CFAP47: variants seen among roughly 807,000 people sequenced by gnomAD.
The protein encoded by CFAP47 is cilia and flagella associated protein 47, also known as cilia- and flagella-associated protein 47.
A neutral mutation model predicts 148.1 loss-of-function variants in CFAP47; 29 were observed. The observed-to-expected ratio is 0.20, with a 90% CI of 0.15 to 0.27. The LOEUF (loss-of-function observed/expected upper bound fraction) is 0.27. Among genes scored for constraint, CFAP47 ranks in the 10% least tolerant of loss-of-function variants. The pLI is 1.00. For missense variants in CFAP47, 1,872 were observed against 1,697.5 expected, an observed-to-expected ratio of 1.10 and a Z score of -1.81; for synonymous variants, 664 against 577.3, an observed-to-expected ratio of 1.15 and a Z score of -2.15.
At chrX:35,952,066 A>G in intron 6 of CFAP47, 103 bp downstream of exon 6, 2 of 840,976 alleles carry the variant, frequency 2.4e-6, no homozygotes, top group Non-Finnish European at 3.2e-6. Flanking sequence ...AAAACTTGCC[A>G]GAAGGCACAA....
At chrX:36,002,776 C>T (rs1346614133) in intron 21 of CFAP47, among the ~76,000 whole-genome samples, 3 of 111,082 alleles carry the variant, frequency 2.7e-5, no homozygotes, top group Non-Finnish European at 5.7e-5. Flanking sequence ...ATAACTAATA[C>T]ACAATAAAAT....
intron 57 of CFAP47, among the ~76,000 whole-genome samples, chrX:36,334,408 A>G (rs1221186410): frequency 9.0e-6 from 1 of 111,455 alleles, no homozygotes; most frequent in Admixed American, 9.6e-5. Flanking sequence ...CTTTTTTATC[A>G]GTAGCTTCAT....
chrX:36,154,887 G>T (rs1663224805), intron 37 of CFAP47, among the ~76,000 whole-genome samples: 1 of 105,961 alleles, frequency 9.4e-6, no homozygotes, highest in African/African-American at 3.5e-5. Context: ...TTAGGTATTT[G>T]TTACAGCAGC....
intron 22 of CFAP47, among the ~76,000 whole-genome samples, chrX:36,016,268 C>T (rs1040325914): frequency 9.1e-6 from 1 of 110,117 alleles, no homozygotes; most frequent in African/African-American, 3.3e-5. Context: ...TGCTTTTGTA[C>T]CCATATACCA....
At chrX:36,144,863 G>C in intron 35 of CFAP47, 1 of 992,788 alleles carries the variant, frequency 1.0e-6, no homozygotes, top group Non-Finnish European at 1.3e-6. Context: ...GCCTCCTTTG[G>C]GCTTTCAGCC....
At chrX:36,374,834 G>A (rs1205230704) in intron 62 of CFAP47, 74 of 1,103,234 alleles carry the variant, frequency 6.7e-5, no homozygotes, top group East Asian at 1.2e-4. Flanking sequence ...GTGTGTTTTC[G>A]TCTTGCTTCT....
At chrX:36,049,486 T>TCA (rs1335410550) in intron 26 of CFAP47, among the ~76,000 whole-genome samples, 1,947 of 64,463 alleles carry the variant, frequency 0.03, 53 homozygotes, top group Admixed American at 0.13. Context: ...TATTTCTCTC[T>TCA]CTCACACACA....
chrX:36,175,985 C>T (rs948761532), intron 39 of CFAP47, among the ~76,000 whole-genome samples: 6 of 111,894 alleles, frequency 5.4e-5, no homozygotes, highest in South Asian at 3.7e-4. Flanking sequence ...GAGCCAGGTG[C>T]GGGATATAAT....
chrX:36,002,469 C>T lies in CFAP47; in HGVS notation c.3417+762C>T, dbSNP rs751582130. On this transcript the variant is annotated intron_variant, in intron 21 of 63. Transcript: ENST00000378653. ...TGGTGGCAGGCGCCTGTAATCCCAG[C>T]TACTCAGGAGGCTGAGGCAGGAGAG... Among the ~76,000 whole-genome samples the T allele has an allele frequency of 2.7e-5, 3 of 111,139 alleles. No individual in the cohort carries two copies. In the South Asian group the frequency reaches 1.2e-3, roughly 43 times the overall value.
At chrX:35,974,473 C>T (rs1936539279) in intron 13 of CFAP47, among the ~76,000 whole-genome samples, 1 of 110,967 alleles carries the variant, frequency 9.0e-6, no homozygotes, top group African/African-American at 3.3e-5. Context: ...GGCTGATTCT[C>T]TCTCTAGGGG....
intron 40 of CFAP47, among the ~76,000 whole-genome samples, chrX:36,188,284 C>G (rs782662438): frequency 1.8e-5 from 2 of 111,440 alleles, no homozygotes; most frequent in Non-Finnish European, 3.8e-5. Context: ...TTGAGATCAT[C>G]CACGTTTTGA....
chrX:36,134,079 C>T (rs1938998076), intron 33 of CFAP47, among the ~76,000 whole-genome samples: 1 of 110,293 alleles, frequency 9.1e-6, no homozygotes, highest in South Asian at 3.7e-4. Context: ...ACTTAAGTAT[C>T]TAATATTAAG....
intron 45 of CFAP47, among the ~76,000 whole-genome samples, chrX:36,210,319 C>G (rs1343333564): frequency 8.9e-6 from 1 of 111,938 alleles, no homozygotes; most frequent in Admixed American, 9.5e-5. Flanking sequence ...TACATTCCCA[C>G]CAACAGTGTA....
rs928648508 is a variant in CFAP47, at chrX:36,299,144, C to T, written c.7854C>T (p.Ser2618=). 10 of 1,029,472 alleles carry T rather than the reference C, an allele frequency of 9.7e-6. No homozygotes were observed. In the Admixed American group the frequency reaches 2.6e-4, roughly 27 times the overall value. The allele number at this position is 1,029,472 out of a possible 1,213,427, so 84.8% of individuals were successfully genotyped here. A position where few individuals can be genotyped will look rare whatever the true frequency, so the allele number is the denominator to read the frequency against. Residue 2618 remains serine (S), a synonymous_variant, in exon 52 of 64, where the codon AGC becomes AGT. Transcript: ENST00000378653. ...VWYSPATTGY[S]DESIIFQPEM... is the part of the protein sequence containing the mutation. Reference sequence around the variant, plus strand: ...ATTCTCCAGCAACTACAGGCTACAGCGATGAAAGGTATGGTTTGAGTGTGG... The same window carrying T: ...ATTCTCCAGCAACTACAGGCTACAGTGATGAAAGGTATGGTTTGAGTGTGG...
intron 21 of CFAP47, among the ~76,000 whole-genome samples, chrX:36,004,628 G>A (rs1438190540): frequency 1.8e-5 from 2 of 109,096 alleles, no homozygotes; most frequent in Non-Finnish European, 3.8e-5. Flanking sequence ...CCACAAAAAT[G>A]TTATTTTAAG....
chrX:36,138,396 G>A lies in CFAP47; in HGVS notation c.5467G>A (p.Glu1823Lys). ...GTACACACGACCAAAAAGTCCTGAA[G>A]AGTATCTGCACAATTGCCTGATTAT... ...NMYTRPKSPE[E>K]YLHNCLIIVN... Residue 1823 changes from glutamate (E) to lysine (K), a missense_variant, in exon 35 of 64, where the codon GAG becomes AAG. Glu to Lys is a moderately conservative substitution (Grantham distance 56). Transcript: ENST00000378653. 4.3e-6 allele frequency: 5 copies of A among 1,165,549 alleles called. No individual in the cohort carries two copies. The highest frequency in any genetic ancestry group is 5.7e-6 in the Non-Finnish European group (5 of 877,253).
chrX:36,154,114 C>T (rs1218049353), intron 37 of CFAP47, among the ~76,000 whole-genome samples: 1 of 112,193 alleles, frequency 8.9e-6, no homozygotes, highest in Non-Finnish European at 1.9e-5. Context: ...TTTGTTCTCT[C>T]ATTCTTTTCA....
chrX:35,984,104 G>T (rs762725295), intron 15 of CFAP47, among the ~76,000 whole-genome samples: 1 of 111,205 alleles, frequency 9.0e-6, no homozygotes, highest in African/African-American at 3.3e-5. Context: ...GCTTTTTCTG[G>T]TTGGTAGGGT....
intron 34 of CFAP47, 117 bp from the exon 35 acceptor site, chrX:36,138,231 A>C: frequency 1.3e-6 from 1 of 796,056 alleles, no homozygotes; most frequent in Non-Finnish European, 1.7e-6. Flanking sequence ...TGATTGCAAT[A>C]ATTTATTACT....
Sources: gnomAD v4.1 joint callset for allele counts (sites outside exome capture counted in the v4.1 genomes callset) on GRCh38, gnomAD v4.1.1 for gene constraint, MANE v1.5 for transcripts, NCBI Gene and HGNC (gene_info 2026-07-23, HGNC 2026-07-21) for gene names.